MYO3A: variants seen among roughly 807,000 people sequenced by gnomAD.
MYO3A encodes myosin IIIA.
In MYO3A, 180 loss-of-function variants were observed where a neutral mutation model predicts 192.7. The ratio of observed to expected loss-of-function variants is 0.93; its 90% CI spans 0.83 to 1.06. The LOEUF is 1.06. Among genes scored for constraint, MYO3A ranks in the 50% least tolerant of loss-of-function variants. MYO3A has a pLI of 0.00. For synonymous variants in MYO3A, 628 were observed against 645.3 expected, an observed-to-expected ratio of 0.97 and a Z score of 0.41; for missense variants, 1,896 against 1,905.0, an observed-to-expected ratio of 1.00 and a Z score of 0.09.
chr10:26,061,051 C>G (rs1237482080), intron 10 of MYO3A, among the ~76,000 whole-genome samples: 1 of 152,052 alleles, frequency 6.6e-6, no homozygotes, highest in Non-Finnish European at 1.5e-5. Context: ...GCCTCAGCCT[C>G]CTGAGTAGCT....
In MYO3A at chr10:25,954,882, C is replaced by T. The variant is rs139958275; in HGVS notation, c.177C>T (p.Asp59=). The change falls in exon 4 of 35, where the codon GAC becomes GAT. Residue 59 remains aspartate, a synonymous_variant. Coordinates refer to ENST00000642920, the MANE Select transcript of MYO3A (RefSeq NM_017433.5). The part of the protein sequence containing the change: ...VKILDPIHDI[D]EEIEAEYNIL... ...TGACTTTTTGAAACTAGGATATTGA[C>T]GAAGAGATTGAAGCAGAATATAACA... 1.1e-3 allele frequency: 1,791 copies of T among 1,611,846 alleles called. 6 individuals carry two copies. The highest frequency in any genetic ancestry group is 0.01 in the Middle Eastern group (62 of 6,014).
rs574566783 is a variant in MYO3A, at chr10:26,192,360, A to G, written c.4439-845A>G. ...AGATTAGGCTTTTGAGAAAGAGTCA[A>G]CTCTGCAAATGAGCTGTCTCTTCAT... On this transcript the variant is annotated intron_variant, in intron 31 of 34. Coordinates refer to ENST00000642920, the MANE Select transcript of MYO3A (RefSeq NM_017433.5). Among the ~76,000 whole-genome samples the G allele has an allele frequency of 6.6e-5, 10 of 152,250 alleles. No homozygotes were observed. The South Asian group carries it at 1.5e-3, about 22-fold the overall frequency.
At chr10:26,194,323 C>A (rs952440340) in intron 32 of MYO3A, among the ~76,000 whole-genome samples, 7 of 152,154 alleles carry the variant, frequency 4.6e-5, no homozygotes, top group Non-Finnish European at 1.0e-4. Context: ...CCAAGGCCTT[C>A]TTCGTGGGAC....
intron 14 of MYO3A, among the ~76,000 whole-genome samples, chr10:26,074,942 T>A (rs1426981592): frequency 1.3e-5 from 2 of 152,104 alleles, no homozygotes; most frequent in Admixed American, 1.3e-4. Context: ...AGGATCAAAT[T>A]TCATTATTTT....
intron 29 of MYO3A, among the ~76,000 whole-genome samples, chr10:26,170,788 T>G (rs1340997880): frequency 6.6e-6 from 1 of 152,238 alleles, no homozygotes; most frequent in African/African-American, 2.4e-5. Flanking sequence ...GAGTGTCCTT[T>G]GCTAATATGT....
chr10:26,208,589 A>G (rs998020542), intron 34 of MYO3A, among the ~76,000 whole-genome samples: 1 of 152,252 alleles, frequency 6.6e-6, no homozygotes, highest in Non-Finnish European at 1.5e-5. Context: ...TTCTTAAAAC[A>G]GAAATAAGCT....
At chr10:26,157,256 C>T (rs1255553010) in intron 25 of MYO3A, 54 bp from the exon 26 acceptor site, 4 of 1,514,258 alleles carry the variant, frequency 2.6e-6, no homozygotes, top group Non-Finnish European at 3.7e-6. Context: ...GGCCTACAAG[C>T]TCATACGTTT....
intron 21 of MYO3A, among the ~76,000 whole-genome samples, chr10:26,143,829 T>C (rs530215192): frequency 1.3e-5 from 2 of 152,240 alleles, no homozygotes; most frequent in Non-Finnish European, 2.9e-5. Flanking sequence ...GGACTTCTCC[T>C]TATTTTGTGG....
intron 32 of MYO3A, among the ~76,000 whole-genome samples, chr10:26,197,552 T>G (rs1174170435): frequency 6.6e-6 from 1 of 152,130 alleles, no homozygotes; most frequent in Admixed American, 6.5e-5. Flanking sequence ...GCATTTTGCG[T>G]TTTTTGTTGT....
intron 34 of MYO3A, among the ~76,000 whole-genome samples, chr10:26,210,115 AAGGGAGGG>A (rs745627997): frequency 9.2e-6 from 1 of 108,632 alleles, no homozygotes; most frequent in Non-Finnish European, 1.7e-5. Context: ...AGAGAGAGAG[AAGGGAGGG>A]AGGGAGGGAG....
chr10:26,206,741 G>T (rs28838032), intron 34 of MYO3A, among the ~76,000 whole-genome samples: 28,830 of 152,158 alleles, frequency 0.19, 2,870 homozygotes, highest in East Asian at 0.32. Context: ...GAGCCACCGC[G>T]CCCAGCCTGA....
chr10:25,996,453 A>T (rs745432462), intron 4 of MYO3A, 37 bp from the exon 5 acceptor site: 4 of 1,545,400 alleles, frequency 2.6e-6, no homozygotes, highest in Middle Eastern at 1.7e-4. Flanking sequence ...AAAATGTCAC[A>T]TGTTTTTAAT....
chr10:26,066,901 T>C (rs1157509311), intron 10 of MYO3A, 74 bp from the exon 11 acceptor site: 8 of 919,390 alleles, frequency 8.7e-6, no homozygotes, highest in African/African-American at 6.5e-5. Context: ...ATTTTCAGTA[T>C]CATATGTATC....
intron 17 of MYO3A, among the ~76,000 whole-genome samples, chr10:26,114,880 G>T (rs973657225): frequency 1.3e-5 from 2 of 152,120 alleles, no homozygotes; most frequent in African/African-American, 4.8e-5. Context: ...TGAGAGCAGA[G>T]AATTTCACGG....
At chr10:25,994,856 G>C (rs1251191536) in intron 4 of MYO3A, among the ~76,000 whole-genome samples, 2 of 152,188 alleles carry the variant, frequency 1.3e-5, no homozygotes, top group Non-Finnish European at 2.9e-5. Flanking sequence ...TTTCTGGCTT[G>C]TAGAGTTTCT....
At position 26,096,381 on chromosome 10, in the gene MYO3A, T is replaced by G; in HGVS notation, c.1563T>G (p.Ile521Met). Reference sequence around the variant, plus strand: ...TTACTGTAAATATCTTTTTTTCCAGTGGAGAAAAAAATTTTCATATTTTTT... The same window carrying G: ...TTACTGTAAATATCTTTTTTTCCAGGGGAGAAAAAAATTTTCATATTTTTT... ...LEKSRVIHQAIGEKNFHIFYY... is the reference protein window; with the variant it reads ...LEKSRVIHQAMGEKNFHIFYY... Residue 521 changes from isoleucine to methionine, a missense_variant and splice_region_variant, in exon 16 of 35, where the codon ATT (isoleucine) becomes ATG (methionine). Transcript: ENST00000642920. The G allele has an allele frequency of 1.9e-6, 3 of 1,599,600 alleles. No individual in the cohort carries two copies. Among genetic ancestry groups the G allele is most frequent in the Non-Finnish European group, 1.7e-6 (2 of 1,168,504 alleles).
chr10:26,180,752 C>A (rs1389279915), intron 31 of MYO3A, among the ~76,000 whole-genome samples: 1 of 150,710 alleles, frequency 6.6e-6, no homozygotes, highest in Non-Finnish European at 1.5e-5. Flanking sequence ...AAGCTAGCAA[C>A]CAAACCTGAA....
rs541857171 is a variant in MYO3A at position 26,104,267 on chromosome 10, A to T, written c.1776+7585A>T. 3.3e-5 allele frequency among the ~76,000 whole-genome samples: 5 copies of T among 152,224 alleles called. No homozygotes were observed. In the South Asian group the frequency reaches 1.0e-3, roughly 32 times the overall value. On this transcript the variant is annotated intron_variant, in intron 17 of 34. Transcript: ENST00000642920. ...GTGTTGTATAGAAAACCATTGCCTA[A>T]TCCAAGGTCACAAAGATTTATGCCT...
chr10:25,989,220 C>T (rs60947855), intron 4 of MYO3A, among the ~76,000 whole-genome samples: 14,100 of 150,930 alleles, frequency 0.093, 1,155 homozygotes, highest in African/African-American at 0.21. Flanking sequence ...GGCTGGATTA[C>T]AGATGTGAGC....
Sources: allele counts gnomAD v4.1 joint callset (sites outside exome capture counted in the v4.1 genomes callset), GRCh38; gene constraint gnomAD v4.1.1; transcripts MANE v1.5; gene names NCBI Gene and HGNC (gene_info 2026-07-23, HGNC 2026-07-21).